The following TTC8 variants were observed in gnomAD, a reference collection of about 807,000 sequenced individuals.
The protein encoded by TTC8 is tetratricopeptide repeat protein 8.
A neutral mutation model predicts 72.5 loss-of-function variants in TTC8; 47 were observed. The ratio of observed to expected loss-of-function variants is 0.65; its 90% CI spans 0.51 to 0.83. The LOEUF (loss-of-function observed/expected upper bound fraction) is 0.83. Among genes scored for constraint, TTC8 ranks in the 40% least tolerant of loss-of-function variants. TTC8 has a pLI of 0.00. For synonymous variants in TTC8, 199 were observed against 221.4 expected (o/e 0.90, Z 0.90); for missense variants, 611 against 623.2 (o/e 0.98, Z 0.21).
intron 9 of TTC8, among the ~76,000 whole-genome samples, chr14:88,860,778 C>A (rs969914186): frequency 6.6e-6 from 1 of 151,444 alleles, no homozygotes; most frequent in African/African-American, 2.4e-5. Context: ...AAAATTAATC[C>A]TGCACATTTT....
At chr14:88,833,267 G>A (rs538236731) in intron 1 of TTC8, among the ~76,000 whole-genome samples, 1 of 152,186 alleles carries the variant, frequency 6.6e-6, no homozygotes, top group Non-Finnish European at 1.5e-5. Context: ...CAGATGCTGA[G>A]TTTATCTGAA....
chr14:88,854,456 G>A (rs1004597863), intron 8 of TTC8, among the ~76,000 whole-genome samples: 9 of 152,104 alleles, frequency 5.9e-5, no homozygotes, highest in African/African-American at 9.7e-5. Flanking sequence ...TAGATTGTCC[G>A]TTCTTTCAAA....
Position 88,824,742 on chromosome 14 carries a change from G to T in TTC8, c.35G>T (p.Trp12Leu). 1 of 1,612,274 alleles carries T rather than the reference G, an allele frequency of 6.2e-7. No individual in the cohort carries two copies. The highest frequency in any genetic ancestry group is 1.1e-5 in the South Asian group (1 of 90,662). Residue 12 changes from tryptophan (W) to leucine (L), a missense_variant, in exon 1 of 15, where the codon TGG (tryptophan) becomes TTG (leucine). By Grantham distance (61) the Trp-to-Leu change is moderately conservative. Coordinates refer to ENST00000380656, the MANE Select transcript of TTC8 (RefSeq NM_144596.4). ...GAGATGGAGCCGCTGCTCCTGGCCT[G>T]GAGCTATTTTAGGCGCAGGAAGTTC... The part of the protein sequence containing the change: ...SSEMEPLLLA[W>L]SYFRRRKFQL...
At chr14:88,824,944 C>A in intron 1 of TTC8, 123 bp downstream of exon 1, 1 of 896,226 alleles carries the variant, frequency 1.1e-6, no homozygotes, top group Non-Finnish European at 1.8e-6. Flanking sequence ...CCGTTCGGCC[C>A]TCGGAGGCGC....
intron 1 of TTC8, among the ~76,000 whole-genome samples, chr14:88,830,319 G>A (rs2094719993): frequency 1.3e-5 from 2 of 152,180 alleles, no homozygotes; most frequent in South Asian, 2.1e-4. Flanking sequence ...GTTCTAGGAA[G>A]TGGCACTCTA....
intron 1 of TTC8, among the ~76,000 whole-genome samples, chr14:88,829,114 C>T (rs1469081483): frequency 5.3e-5 from 8 of 152,178 alleles, no homozygotes; most frequent in African/African-American, 1.7e-4. Flanking sequence ...TGGTGAGGGA[C>T]AGAGGCCAGC....
rs142938748 is a variant in TTC8 at position 88,872,358 on chromosome 14, A to G, written c.1253A>G (p.Gln418Arg). 2.5e-3 allele frequency: 3,978 copies of G among 1,613,924 alleles called. 9 individuals carry two copies. The highest frequency in any genetic ancestry group is 2.7e-3 in the Non-Finnish European group (3,207 of 1,179,894). Residue 418 changes from glutamine to arginine, a missense_variant, in exon 13 of 15, where the codon CAG (glutamine) becomes CGG (arginine). Gln to Arg is a conservative substitution (Grantham distance 43). Coordinates refer to ENST00000380656, the MANE Select transcript of TTC8 (RefSeq NM_144596.4). Reference sequence around the variant, plus strand: ...ATAGGAGATACAAATTTGGCCCATCAGTGCTTCAGGCTGGCTCTGGTCAAC... The same window carrying G: ...ATAGGAGATACAAATTTGGCCCATCGGTGCTTCAGGCTGGCTCTGGTCAAC... ...VGIGDTNLAH[Q>R]CFRLALVNNN... is the part of the protein sequence containing the mutation.
intron 10 of TTC8, among the ~76,000 whole-genome samples, chr14:88,865,257 G>A (rs938724125): frequency 7.9e-5 from 12 of 152,180 alleles, no homozygotes; most frequent in African/African-American, 2.7e-4. Context: ...TGGATGGGAA[G>A]TATGACCCAT....
At chr14:88,834,013 G>A in intron 2 of TTC8, 1 of 429,796 alleles carries the variant, frequency 2.3e-6, no homozygotes, top group Non-Finnish European at 4.3e-6. Flanking sequence ...AAAGAAGGAG[G>A]TGAGGGGAAC....
intron 10 of TTC8, among the ~76,000 whole-genome samples, chr14:88,863,254 A>G (rs2094896448): frequency 6.6e-6 from 1 of 152,208 alleles, no homozygotes; most frequent in Non-Finnish European, 1.5e-5. Context: ...CATAGTACTC[A>G]GCCAGCAGTT....
chr14:88,871,536 C>G lies in TTC8; in HGVS notation c.1050-13C>G, dbSNP rs2094933897. ...GGTCTGACACCAAAATTTGTGTGTT[C>G]TTTTTTGAAAAGGCGGCTGCTGCAG... is the stretch of plus-strand genomic sequence containing the variant. On this transcript the variant is annotated splice_polypyrimidine_tract_variant and intron_variant, in intron 11 of 14. Coordinates refer to ENST00000380656, the MANE Select transcript of TTC8 (RefSeq NM_144596.4). The surrounding 1 kb of genome is among the most constrained non-coding windows in gnomAD (Gnocchi z 4.1). The G allele has an allele frequency of 6.2e-7, 1 of 1,613,050 alleles. No individual in the cohort carries two copies. The highest frequency in any genetic ancestry group is 1.3e-5 in the African/African-American group (1 of 74,954).
intron 9 of TTC8, among the ~76,000 whole-genome samples, chr14:88,860,976 G>A (rs948140166): frequency 2.0e-5 from 3 of 151,448 alleles, no homozygotes; most frequent in African/African-American, 7.3e-5. Context: ...GCTAATTTTT[G>A]TATTTTTTGT....
intron 10 of TTC8, among the ~76,000 whole-genome samples, chr14:88,869,727 T>C (rs1302232409): frequency 1.3e-5 from 2 of 152,176 alleles, no homozygotes; most frequent in Non-Finnish European, 2.9e-5. Context: ...TCAGGTCTTT[T>C]CAAATAGCAC....
downstream of TTC8, chr14:88,881,035 A>G (rs1027946901): frequency 2.0e-5 from 3 of 152,092 alleles, no homozygotes; most frequent in Non-Finnish European, 2.9e-5. Context: ...TATCATTACA[A>G]TCTTGAGAGT....
chr14:88,827,972 G>C (rs570544820), intron 1 of TTC8, among the ~76,000 whole-genome samples: 7 of 152,240 alleles, frequency 4.6e-5, no homozygotes, highest in African/African-American at 1.7e-4. Flanking sequence ...TTTGCTGAAT[G>C]AGTGCGTCGA....
intron 8 of TTC8, among the ~76,000 whole-genome samples, chr14:88,854,056 A>C (rs1159989353): frequency 6.6e-6 from 1 of 152,212 alleles, no homozygotes; most frequent in Admixed American, 6.5e-5. Flanking sequence ...CTTTCCATTT[A>C]GATATTTCAC....
intron 1 of TTC8, among the ~76,000 whole-genome samples, chr14:88,828,379 G>A (rs2094711392): frequency 6.6e-6 from 1 of 152,156 alleles, no homozygotes; most frequent in Non-Finnish European, 1.5e-5. Context: ...CCTCTGCTCC[G>A]CAGTTAGCTG....
chr14:88,833,798 G>T (rs1402934200), intron 2 of TTC8, 76 bp downstream of exon 2: 1 of 1,385,216 alleles, frequency 7.2e-7, no homozygotes, highest in Admixed American at 1.7e-5. Context: ...CTATAGATTA[G>T]AAAATTTGCT....
At chr14:88,864,135 T>A (rs911502591) in intron 10 of TTC8, among the ~76,000 whole-genome samples, 3 of 152,224 alleles carry the variant, frequency 2.0e-5, no homozygotes, top group Non-Finnish European at 4.4e-5. Context: ...GAATTTTTTT[T>A]ATACTTTCTG....
Sources: gnomAD v4.1 joint callset for allele counts (sites outside exome capture counted in the v4.1 genomes callset) on GRCh38, gnomAD v4.1.1 for gene constraint, Gnocchi (gnomAD v3.1) non-coding constraint, MANE v1.5 for transcripts, NCBI Gene and HGNC (gene_info 2026-07-23, HGNC 2026-07-21) for gene names.